The following HMGXB3 variants were observed in gnomAD, a reference collection of about 807,000 sequenced individuals.
HMGXB3 encodes HMG domain-containing protein 3.
HMGXB3 carries 45 observed loss-of-function variants against 121.5 expected under a neutral mutation model. The ratio of observed to expected loss-of-function variants is 0.37; its 90% confidence interval spans 0.29 to 0.47. HMGXB3 has a LOEUF of 0.47. Ranked by LOEUF, HMGXB3 falls within the 20% of genes least tolerant of loss-of-function variation. The pLI is 0.99. For synonymous variants in HMGXB3, 590 were observed against 624.1 expected, an observed-to-expected ratio of 0.95 and a Z score of 0.81; for missense variants, 1,376 against 1,602.2, an observed-to-expected ratio of 0.86 and a Z score of 2.41.
chr5:150,005,076 T>C (rs1487715223), intron 2 of HMGXB3, 87 bp downstream of exon 2: 1 of 1,456,464 alleles, frequency 6.9e-7, no homozygotes, highest in African/African-American at 1.4e-5. Context: ...TAAGACTCTT[T>C]GAAAAAGAGT....
chr5:150,023,645 A>G (rs1169276828), intron 6 of HMGXB3, among the ~76,000 whole-genome samples: 4 of 152,266 alleles, frequency 2.6e-5, no homozygotes, highest in Admixed American at 1.3e-4. Context: ...AGCAGCTGCC[A>G]TTTTTAGTGA....
At chr5:150,023,165 G>A (rs1021267059) in intron 6 of HMGXB3, among the ~76,000 whole-genome samples, 1 of 152,018 alleles carries the variant, frequency 6.6e-6, no homozygotes, top group Non-Finnish European at 1.5e-5. Flanking sequence ...GTATGCAGAT[G>A]GCTTTGGAAA....
At chr5:150,026,121 CGCCCG>C (rs761681421) in intron 7 of HMGXB3, among the ~76,000 whole-genome samples, 2 of 150,426 alleles carry the variant, frequency 1.3e-5, no homozygotes, top group Non-Finnish European at 2.9e-5. Flanking sequence ...TGAGCTACCG[CGCCCG>C]GCCCCATCTT....
intron 14 of HMGXB3, among the ~76,000 whole-genome samples, chr5:150,041,572 A>G (rs1453924696): frequency 1.3e-5 from 2 of 152,268 alleles, no homozygotes; most frequent in Non-Finnish European, 2.9e-5. Flanking sequence ...ACTTAGTACA[A>G]GGCAGCTATC....
At position 150,048,673 on chromosome 5, in the gene HMGXB3, G is replaced by A. The variant is rs199582495; in HGVS notation, c.3189G>A (p.Val1063=). ...TCACAGGTGGTAAAATCTACAAGGT[G>A]TGCCCCCATCAGGTAAGAAAATAAC... The part of the protein sequence containing the change: ...RHFTGGKIYK[V]CPHQVVCGSK... Residue 1063 remains valine (V), a synonymous_variant, in exon 18 of 20, where the codon GTG becomes GTA. Coordinates refer to ENST00000502717, the MANE Select transcript of HMGXB3 (RefSeq NM_014983.3). 4.2e-4 allele frequency: 653 copies of A among 1,548,616 alleles called. 1 individual carries two copies. The highest frequency in any genetic ancestry group is 7.1e-4 in the South Asian group (60 of 83,990).
rs766913056 is a variant in HMGXB3, at chr5:150,004,890, T to G, written c.38T>G (p.Val13Gly). Residue 13 changes from valine to glycine, a missense_variant, in exon 2 of 20, where the codon GTG (valine) becomes GGG (glycine). Around this residue, in one of 2 missense-constraint regions of HMGXB3, gnomAD observed 1,116 missense variants for 1,369.0 expected, o/e 0.82. Coordinates refer to ENST00000502717, the MANE Select transcript of HMGXB3 (RefSeq NM_014983.3). ...TATGATGGTACTGAGGTAACTGTCG[T>G]GATGGAGGAAATTGAGGAAGCCTAT... Reference protein sequence around the residue: ...ASYDGTEVTVVMEEIEEAYCY... With the variant: ...ASYDGTEVTVGMEEIEEAYCY... 1.2e-4 allele frequency: 193 copies of G among 1,551,580 alleles called. No homozygotes were observed. Among genetic ancestry groups the G allele is most frequent in the Non-Finnish European group, 1.6e-4 (187 of 1,146,954 alleles).
Position 150,003,349 on chromosome 5 carries a change from G to C in HMGXB3, c.-2-1502G>C, listed in dbSNP as rs147525202. Among the ~76,000 whole-genome samples, 694 of 152,196 alleles carry C rather than the reference G, an allele frequency of 4.6e-3. 8 individuals are homozygous for C. The highest frequency in any genetic ancestry group is 0.016 in the African/African-American group (656 of 41,538). On this transcript the variant is annotated intron_variant, in intron 1 of 19. Coordinates refer to ENST00000502717, the MANE Select transcript of HMGXB3 (RefSeq NM_014983.3). ...TAGCAGTGTAGCATAATGAAAGAAG[G>C]CCCAGGGAGTTGGATTTTTGAGTTA...
chr5:150,020,422 C>T (rs1318266035), intron 6 of HMGXB3, among the ~76,000 whole-genome samples: 1 of 152,186 alleles, frequency 6.6e-6, no homozygotes, highest in South Asian at 2.1e-4. Context: ...TTGACCAATG[C>T]GAAACAGGTC....
At chr5:150,040,685 A>G in intron 13 of HMGXB3, 63 bp from the exon 14 acceptor site, 3 of 1,493,634 alleles carry the variant, frequency 2.0e-6, no homozygotes, top group Non-Finnish European at 2.7e-6. Flanking sequence ...GCTGGTGTGT[A>G]TTCTATTTTT....
rs975180368 is a variant in HMGXB3, at chr5:150,045,574, A to G, written c.2839A>G (p.Ile947Val). 42 of 1,551,980 alleles carry G rather than the reference A, an allele frequency of 2.7e-5. No homozygotes were observed. The highest frequency in any genetic ancestry group is 3.3e-5 in the Non-Finnish European group (38 of 1,147,084). ...GGTGGCATTTCCTGCCAGCATCCCTATCACCAAATTTGATGCGTCTGTTAT... is the reference window on the plus strand; with the variant it reads ...GGTGGCATTTCCTGCCAGCATCCCTGTCACCAAATTTGATGCGTCTGTTAT... ...EQVAFPASIP[I>V]TKFDASVIAP... Residue 947 changes from isoleucine (I) to valine (V), a missense_variant, in exon 16 of 20, where the codon ATC (isoleucine) becomes GTC (valine). Transcript: ENST00000502717.
rs147475548 is a variant in HMGXB3 at position 150,038,268 on chromosome 5, T to G, written c.2413+741T>G. ...TTGAGTGCTGAAGATGAAAGTGTATTTTTGATGTATTCTCTTTGTCTTAGA... is the reference window on the plus strand; with the variant it reads ...TTGAGTGCTGAAGATGAAAGTGTATGTTTGATGTATTCTCTTTGTCTTAGA... On this transcript the variant is annotated intron_variant, in intron 13 of 19. Coordinates refer to ENST00000502717, the MANE Select transcript of HMGXB3 (RefSeq NM_014983.3). 7.4e-3 allele frequency among the ~76,000 whole-genome samples: 1,122 copies of G among 152,310 alleles called. 11 individuals carry two copies. The highest frequency in any genetic ancestry group is 0.025 in the African/African-American group (1,039 of 41,554).
chr5:150,049,417 C>CG (rs1336891654), intron 18 of HMGXB3, among the ~76,000 whole-genome samples: 3 of 151,770 alleles, frequency 2.0e-5, no homozygotes, highest in East Asian at 1.9e-4. Context: ...GAAACCCCCC[C>CG]CCTTAACAGG....
chr5:150,033,932 C>A (rs1756439737), intron 11 of HMGXB3, among the ~76,000 whole-genome samples: 1 of 152,040 alleles, frequency 6.6e-6, no homozygotes, highest in Non-Finnish European at 1.5e-5. Context: ...GCACTAATGG[C>A]TTGGTGGGAA....
chr5:150,029,118 G>A (rs1756314157), intron 9 of HMGXB3, among the ~76,000 whole-genome samples: 2 of 152,126 alleles, frequency 1.3e-5, no homozygotes, highest in South Asian at 2.1e-4. Flanking sequence ...TGTGCTTTCA[G>A]GTCTTTTCCT....
At position 150,036,917 on chromosome 5, in the gene HMGXB3, A is replaced by G. The variant is rs559702671; in HGVS notation, c.2265A>G (p.Pro755=). Reference sequence around the variant, plus strand: ...CGCAGTGCCTTCTCTGTAGCAGCCCATTATTCAAAGGGGGACAAAAGTAAG... The same window carrying G: ...CGCAGTGCCTTCTCTGTAGCAGCCCGTTATTCAAAGGGGGACAAAAGTAAG... ...PSTQCLLCSS[P]LFKGGQNSLA... The change falls in exon 12 of 20, where the codon CCA becomes CCG. Residue 755 remains proline, a synonymous_variant. Coordinates refer to ENST00000502717, the MANE Select transcript of HMGXB3 (RefSeq NM_014983.3). The G allele has an allele frequency of 1.5e-5, 24 of 1,551,336 alleles. No homozygotes were observed. The East Asian group carries it at 4.4e-4, about 28-fold the overall frequency.
At chr5:150,020,243 T>C (rs1338702772) in intron 6 of HMGXB3, among the ~76,000 whole-genome samples, 1 of 152,248 alleles carries the variant, frequency 6.6e-6, no homozygotes, top group Non-Finnish European at 1.5e-5. Context: ...AGGAAGGGCC[T>C]AGTGCTAATG....
chr5:150,042,051 G>C (rs1756645565), intron 15 of HMGXB3, 82 bp downstream of exon 15: 1 of 1,168,832 alleles, frequency 8.6e-7, no homozygotes, highest in African/African-American at 1.5e-5. Context: ...ATCCCCAGGG[G>C]GTGGATAGCT....
intron 5 of HMGXB3, 25 bp from the exon 6 acceptor site, chr5:150,018,541 A>C: frequency 6.6e-7 from 1 of 1,517,680 alleles, no homozygotes; most frequent in Non-Finnish European, 8.9e-7. Context: ...TGTTCTATTG[A>C]TTCTGATGTG....
At position 150,050,336 on chromosome 5, in the gene HMGXB3, C is replaced by T. The variant is rs1378296041; in HGVS notation, c.3286C>T (p.Pro1096Ser). ...GCTTGCCTCTTCCCGCCACTGGCCG[C>T]CTGTCTATGTGGTAGATATGGCCAC... ...DLLASSRHWP[P>S]VYVVDMATSV... Residue 1096 changes from proline (P) to serine (S), a missense_variant, in exon 19 of 20, where the codon CCT becomes TCT. By Grantham distance (74) the Pro-to-Ser change is moderately conservative. This residue lies in a region of HMGXB3 where 1,116 missense variants were observed against 1,369.0 expected (regional missense o/e 0.82). Transcript: ENST00000502717. The T allele has an allele frequency of 6.4e-7, 1 of 1,551,788 alleles. No individual in the cohort carries two copies. The highest frequency in any genetic ancestry group is 2.0e-5 in the Admixed American group (1 of 50,994).
Sources: gnomAD v4.1 joint callset for allele counts (sites outside exome capture counted in the v4.1 genomes callset) on GRCh38, gnomAD v4.1.1 for gene constraint, gnomAD v4.1.1 regional missense constraint, MANE v1.5 for transcripts, NCBI Gene and HGNC (gene_info 2026-07-23, HGNC 2026-07-21) for gene names.